The following ISCA2 variants were observed in gnomAD, a reference collection of about 807,000 sequenced individuals.
The protein encoded by ISCA2 is iron-sulfur cluster assembly 2, also known as iron-sulfur cluster assembly 2 homolog, mitochondrial.
Under a neutral mutation model 19.1 loss-of-function variants are expected in ISCA2, and 21 were observed. The ratio of observed to expected loss-of-function variants is 1.10; its 90% CI spans 0.78 to 1.59. The LOEUF is 1.59. Ranked by LOEUF, ISCA2 falls within the 40% of genes most tolerant of loss-of-function variation. The pLI, the probability that ISCA2 is intolerant of heterozygous loss-of-function variation, is 0.00. For synonymous variants in ISCA2, 107 were observed against 83.8 expected (o/e 1.28, Z -1.51); for missense variants, 181 against 191.7 (o/e 0.94, Z 0.33).
intron 3 of ISCA2, 64 bp from the exon 4 acceptor site, chr14:74,494,760 CTG>C (rs2086827538): frequency 7.7e-6 from 11 of 1,431,466 alleles, no homozygotes; most frequent in Non-Finnish European, 1.1e-5. Flanking sequence ...ATGTGCACCT[CTG>C]GGCTCAGGGG....
chr14:74,494,090 G>T lies in ISCA2; in HGVS notation c.112G>T (p.Ala38Ser). The T allele has an allele frequency of 6.4e-7, 1 of 1,564,400 alleles. No homozygotes were observed. The highest frequency in any genetic ancestry group is 8.6e-7 in the Non-Finnish European group (1 of 1,158,542). Reference sequence around the variant, plus strand: ...CCTGGGACCCCAGGCGCGTCGGGAGGCGTCGTCCTCCAGCCCCGAGGCCGG... The same window carrying T: ...CCTGGGACCCCAGGCGCGTCGGGAGTCGTCGTCCTCCAGCCCCGAGGCCGG... The part of the protein sequence containing the change: ...ASLGPQARRE[A>S]SSSSPEAGEG... The change falls in exon 2 of 4, where the codon GCG becomes TCG. Residue 38 changes from alanine to serine, a missense_variant. Ala to Ser is a moderately conservative substitution (Grantham distance 99). Coordinates refer to ENST00000556816, the MANE Select transcript of ISCA2 (RefSeq NM_194279.4).
At chr14:74,494,468 C>T (rs1749501629) in intron 3 of ISCA2, 78 bp downstream of exon 3, 10 of 1,061,530 alleles carry the variant, frequency 9.4e-6, no homozygotes, top group Non-Finnish European at 1.5e-5. Context: ...CACTTTTATT[C>T]CAAATTTAAA....
intron 2 of ISCA2, 33 bp downstream of exon 2, chr14:74,494,185 G>A: frequency 6.3e-7 from 1 of 1,586,402 alleles, no homozygotes; most frequent in Non-Finnish European, 8.6e-7. Context: ...GCGGTACCCA[G>A]GCGATTGGCG....
intron 3 of ISCA2, 79 bp downstream of exon 3, chr14:74,494,469 C>G: frequency 9.6e-7 from 1 of 1,046,744 alleles, no homozygotes. Flanking sequence ...ACTTTTATTC[C>G]AAATTTAAAG....
chr14:74,494,128 C>G lies in ISCA2; in HGVS notation c.150C>G (p.Ile50Met), dbSNP rs1428962120. Residue 50 changes from isoleucine (I) to methionine (M), a missense_variant, in exon 2 of 4, where the codon ATC becomes ATG. Physicochemically the swap from Ile to Met is conservative, Grantham distance 10. Coordinates refer to ENST00000556816, the MANE Select transcript of ISCA2 (RefSeq NM_194279.4). ...GCCCCGAGGCCGGCGAAGGGCAGAT[C>G]CGCCTCACAGACAGTTGCGTCCAGG... ...SSSPEAGEGQ[I>M]RLTDSCVQRL... 6.3e-7 allele frequency: 1 copy of G among 1,585,206 alleles called. No homozygotes were observed. Among genetic ancestry groups the G allele is most frequent in the South Asian group, 1.1e-5 (1 of 87,950 alleles).
Position 74,495,067 on chromosome 14 carries a change from A to C in ISCA2, c.*67A>C. 1 of 1,204,266 alleles carries C rather than the reference A, an allele frequency of 8.3e-7. No individual in the cohort carries two copies. The highest frequency in any genetic ancestry group is 1.2e-6 in the Non-Finnish European group (1 of 830,180). The allele number at this position is 1,204,266 out of a possible 1,614,324, so 74.6% of individuals were successfully genotyped here. On this transcript the variant is annotated 3_prime_UTR_variant, in exon 4 of 4. Coordinates refer to ENST00000556816, the MANE Select transcript of ISCA2 (RefSeq NM_194279.4). The stretch of plus-strand genomic sequence containing the variant: ...ATTTGAAGAACCTGGAATTAGTAGA[A>C]TTCTAGAAGTTTACTTCTAATCATG...
chr14:74,495,735 C>T lies in ISCA2; in HGVS notation c.*735C>T, dbSNP rs963180012. 6.6e-6 allele frequency: 1 copy of T among 152,112 alleles called. No homozygotes were observed. The highest frequency in any genetic ancestry group is 2.4e-5 in the African/African-American group (1 of 41,406). The allele number at this position is 152,112 out of a possible 1,614,324, so 9.4% of individuals were successfully genotyped here. On this transcript the variant is annotated 3_prime_UTR_variant, in exon 4 of 4. Coordinates refer to ENST00000556816, the MANE Select transcript of ISCA2 (RefSeq NM_194279.4). ...TTTTAGGATATGTTGCTTTACCTGC[C>T]TTCTGTTGTAAAATGGCTCTGGTCT...
At position 74,493,831 on chromosome 14, in the gene ISCA2, C is replaced by A; in HGVS notation, c.57C>A (p.Pro19=). The A allele has an allele frequency of 6.4e-7, 1 of 1,559,548 alleles. No individual in the cohort carries two copies. Among genetic ancestry groups the A allele is most frequent in the East Asian group, 2.3e-5 (1 of 43,102 alleles). ...LTAATQRAVT[P]WPRGRLLTAS... is the part of the protein sequence containing the mutation. ...CCGCGACGCAGAGAGCGGTCACTCC[C>A]TGGCCGAGGGGCAGGTACCAAGACT... The change falls in exon 1 of 4, where the codon CCC becomes CCA. Residue 19 remains proline (P), a synonymous_variant. Transcript: ENST00000556816. The surrounding 1 kb of genome is among the most constrained non-coding windows in gnomAD (Gnocchi z 4.1).
rs745738187 is a variant in ISCA2 at position 74,493,806 on chromosome 14, C to T, written c.32C>T (p.Ala11Val). 2 of 1,540,606 alleles carry T rather than the reference C, an allele frequency of 1.3e-6. No homozygotes were observed. Among genetic ancestry groups the T allele is most frequent in the South Asian group, 1.2e-5 (1 of 81,810 alleles). MAAAWGSSLT[A>V]ATQRAVTPWP... is the part of the protein sequence containing the mutation. ...GCCGCCTGGGGGTCGTCCCTAACGG[C>T]CGCGACGCAGAGAGCGGTCACTCCC... Residue 11 changes from alanine to valine, a missense_variant, in exon 1 of 4, where the codon GCC becomes GTC. Ala to Val is a moderately conservative substitution (Grantham distance 64). Coordinates refer to ENST00000556816, the MANE Select transcript of ISCA2 (RefSeq NM_194279.4). This position sits in a 1 kb window ranked among gnomAD's most constrained non-coding sequence, Gnocchi z 4.1.
Position 74,494,845 on chromosome 14 carries a change from G to A in ISCA2, c.310G>A (p.Ala104Thr), listed in dbSNP as rs1217568018. The A allele has an allele frequency of 1.2e-6, 2 of 1,614,032 alleles. No homozygotes were observed. The highest frequency in any genetic ancestry group is 1.7e-6 in the Non-Finnish European group (2 of 1,180,024). Reference protein sequence around the residue: ...PDDRVFEQGGARVVVDSDSLA... With the variant: ...PDDRVFEQGGTRVVVDSDSLA... ...TTTCAGGGTATTTGAACAGGGTGGG[G>A]CAAGAGTGGTGGTTGACTCTGATAG... Residue 104 changes from alanine (A) to threonine (T), a missense_variant, in exon 4 of 4, where the codon GCA (alanine) becomes ACA (threonine). By Grantham distance (58) the Ala-to-Thr change is moderately conservative. Coordinates refer to ENST00000556816, the MANE Select transcript of ISCA2 (RefSeq NM_194279.4).
chr14:74,494,939 T>TG lies in ISCA2; in HGVS notation c.405dup (p.Asn136GlufsTer22), dbSNP rs1207583326. ...CTGATCCGAAGCTCATTTCAAGTGT[T>TG]GAACAATCCTCAAGCACAGCAAGGC... On this transcript the variant is annotated frameshift_variant, in exon 4 of 4. Coordinates refer to ENST00000556816, the MANE Select transcript of ISCA2 (RefSeq NM_194279.4). LOFTEE classifies it high-confidence loss of function. 17 of 1,614,020 alleles carry TG rather than the reference T, an allele frequency of 1.1e-5. No homozygotes were observed. The highest frequency in any genetic ancestry group is 1.4e-5 in the Non-Finnish European group (16 of 1,180,022).
Position 74,494,036 on chromosome 14 carries a change from TC to T in ISCA2, c.72-11del, listed in dbSNP as rs1330657712. ...CCTTCTGCTCCCGGGCTCACCCTCC[TC>T]CCTTGCGCGCAGGCTCCTCACGGCC... On this transcript the variant is annotated splice_polypyrimidine_tract_variant and intron_variant, in intron 1 of 3. Coordinates refer to ENST00000556816, the MANE Select transcript of ISCA2 (RefSeq NM_194279.4). 2.6e-6 allele frequency: 4 copies of T among 1,532,790 alleles called. No individual in the cohort carries two copies. The highest frequency in any genetic ancestry group is 2.4e-5 in the South Asian group (2 of 83,954). 94.9% of individuals were successfully genotyped at this position (1,532,790 alleles called of 1,614,324 possible).
At chr14:74,494,183 C>A in intron 2 of ISCA2, 31 bp downstream of exon 2, 2 of 1,587,582 alleles carry the variant, frequency 1.3e-6, no homozygotes, top group South Asian at 2.3e-5. Context: ...CGGCGGTACC[C>A]AGGCGATTGG....
At position 74,495,837 on chromosome 14, in the gene ISCA2, A is replaced by G. The variant is rs990542977; in HGVS notation, c.*837A>G. 3.9e-5 allele frequency: 6 copies of G among 152,224 alleles called. No homozygotes were observed. Among genetic ancestry groups the G allele is most frequent in the Admixed American group, 3.9e-4 (6 of 15,286 alleles). 9.4% of individuals were successfully genotyped at this position (152,224 alleles called of 1,614,324 possible). A position where few individuals can be genotyped will look rare whatever the true frequency, so the allele number is the denominator to read the frequency against. ...GAACCTTTTTTTAGATTGGGTTACC[A>G]GATGAAATGTAGGATGCCCAGTTAA... On this transcript the variant is annotated 3_prime_UTR_variant, in exon 4 of 4. Coordinates refer to ENST00000556816, the MANE Select transcript of ISCA2 (RefSeq NM_194279.4).
Position 74,495,956 on chromosome 14 carries a change from AT to A in ISCA2, c.*961del, listed in dbSNP as rs1388773744. On this transcript the variant is annotated 3_prime_UTR_variant, in exon 4 of 4. Coordinates refer to ENST00000556816, the MANE Select transcript of ISCA2 (RefSeq NM_194279.4). ...TATTTGAAATTCAAATTTAACTCAT[AT>A]TTTTATTTGCTGACCTTGGCAACTC... 1 of 152,208 alleles carries A rather than the reference AT, an allele frequency of 6.6e-6. No homozygotes were observed. Among genetic ancestry groups the A allele is most frequent in the Non-Finnish European group, 1.5e-5 (1 of 68,036 alleles). 9.4% of individuals were successfully genotyped at this position (152,208 alleles called of 1,614,324 possible). A position where few individuals can be genotyped will look rare whatever the true frequency, so the allele number is the denominator to read the frequency against.
Position 74,494,134 on chromosome 14 carries a change from C to T in ISCA2, c.156C>T (p.Leu52=). 6.3e-7 allele frequency: 1 copy of T among 1,587,754 alleles called. No individual in the cohort carries two copies. The highest frequency in any genetic ancestry group is 8.6e-7 in the Non-Finnish European group (1 of 1,167,828). ...SPEAGEGQIR[L]TDSCVQRLLE... ...AGGCCGGCGAAGGGCAGATCCGCCTCACAGACAGTTGCGTCCAGGTAGGAG... is the reference window on the plus strand; with the variant it reads ...AGGCCGGCGAAGGGCAGATCCGCCTTACAGACAGTTGCGTCCAGGTAGGAG... The change falls in exon 2 of 4, where the codon CTC becomes CTT. Residue 52 remains leucine (L), a synonymous_variant. Transcript: ENST00000556816.
At chr14:74,494,011 C>T in intron 1 of ISCA2, 39 bp from the exon 2 acceptor site, 1 of 1,512,890 alleles carries the variant, frequency 6.6e-7, no homozygotes, top group Non-Finnish European at 8.9e-7. Context: ...GCAAGGTGCC[C>T]CTTCTGCTCC....
rs1359735697 is a variant in ISCA2 at position 74,496,255 on chromosome 14, T to C, written c.*1255T>C. ...TTGGGAGCCTAGAAGTTTGTTACAG[T>C]AAAGACTTGCATTTCTGCACTGGAT... On this transcript the variant is annotated 3_prime_UTR_variant, in exon 4 of 4. Coordinates refer to ENST00000556816, the MANE Select transcript of ISCA2 (RefSeq NM_194279.4). 6.6e-6 allele frequency: 1 copy of C among 152,208 alleles called. No individual in the cohort carries two copies. Among genetic ancestry groups the C allele is most frequent in the African/African-American group, 2.4e-5 (1 of 41,454 alleles). The allele number at this position is 152,208 out of a possible 1,614,324, so 9.4% of individuals were successfully genotyped here.
Position 74,494,811 on chromosome 14 carries a change from C to T in ISCA2, c.291-15C>T, listed in dbSNP as rs188914539. On this transcript the variant is annotated splice_polypyrimidine_tract_variant and intron_variant, in intron 3 of 3. Transcript: ENST00000556816. Reference sequence around the variant, plus strand: ...GTTTGCGATACTCCTTAATGCCTTCCTCCTGTCTTTTCAGGGTATTTGAAC... The same window carrying T: ...GTTTGCGATACTCCTTAATGCCTTCTTCCTGTCTTTTCAGGGTATTTGAAC... 41 of 1,612,808 alleles carry T rather than the reference C, an allele frequency of 2.5e-5. No homozygotes were observed. In the East Asian group the frequency reaches 8.9e-4, roughly 35 times the overall value.
Sources: allele counts gnomAD v4.1 joint callset, GRCh38; gene constraint gnomAD v4.1.1; non-coding constraint Gnocchi (gnomAD v3.1); transcripts MANE v1.5; gene names NCBI Gene and HGNC (gene_info 2026-07-23, HGNC 2026-07-21).